Variants in ETFDH observed in about 807,000 individuals in gnomAD.
The protein encoded by ETFDH is electron transfer flavoprotein-ubiquinone oxidoreductase, mitochondrial.
ETFDH carries 61 observed loss-of-function variants against 73.2 expected under a neutral mutation model. The observed-to-expected ratio is 0.83, with a 90% CI of 0.68 to 1.03. The LOEUF (loss-of-function observed/expected upper bound fraction) is 1.03, where lower values mean the gene tolerates loss of function less well. Among genes scored for constraint, ETFDH ranks in the 50% least tolerant of loss-of-function variants. The pLI, the probability that ETFDH is intolerant of heterozygous loss-of-function variation, is 0.00. For missense variants in ETFDH, 685 were observed against 745.0 expected, an observed-to-expected ratio of 0.92 and a Z score of 0.94; for synonymous variants, 243 against 253.3, an observed-to-expected ratio of 0.96 and a Z score of 0.39.
Position 158,682,905 on chromosome 4 carries a change from T to C in ETFDH, c.405+481T>C, listed in dbSNP as rs114950223. ...AAATTTATATCAGAATTGTAATTTA[T>C]GATATTAACAAATATTTTTGTGTAA... is the stretch of plus-strand genomic sequence containing the variant. On this transcript the variant is annotated intron_variant, in intron 3 of 12. Transcript: ENST00000511912. Among the ~76,000 whole-genome samples the C allele has an allele frequency of 2.2e-3, 340 of 152,334 alleles. 2 individuals are homozygous for C. Among genetic ancestry groups the C allele is most frequent in the African/African-American group, 8.0e-3 (331 of 41,582 alleles).
intron 5 of ETFDH, among the ~76,000 whole-genome samples, chr4:158,689,592 CTTCATATATATATA>C: frequency 1.9e-5 from 1 of 51,740 alleles, no homozygotes; most frequent in African/African-American, 9.5e-5. Context: ...CAAATAAAAC[CTTCATATATATATA>C]TATATATATA....
At position 158,706,855 on chromosome 4, in the gene ETFDH, T is replaced by G; in HGVS notation, c.1690+5T>G. ...AGCAGCGATTCTGTCCTGCAGGTAA[T>G]AATTTCCATCTATTCCTAAATATTT... On this transcript the variant is annotated splice_donor_5th_base_variant and intron_variant, in intron 12 of 12. Coordinates refer to ENST00000511912, the MANE Select transcript of ETFDH (RefSeq NM_004453.4). 6.4e-7 allele frequency: 1 copy of G among 1,552,236 alleles called. No homozygotes were observed. The highest frequency in any genetic ancestry group is 8.9e-7 in the Non-Finnish European group (1 of 1,123,764).
chr4:158,693,208 C>T (rs1029939923), intron 6 of ETFDH, among the ~76,000 whole-genome samples: 2 of 152,182 alleles, frequency 1.3e-5, no homozygotes, highest in Admixed American at 6.5e-5. Flanking sequence ...GGACAGGTCT[C>T]TGTTTTCCCT....
rs1342129315 is a variant in ETFDH at position 158,706,502 on chromosome 4, A to G, written c.1469-127A>G. On this transcript the variant is annotated intron_variant, in intron 11 of 12. Transcript: ENST00000511912. ...TAAATTTAGTGTCTAAGAACAGTAT[A>G]TTATTACTTGAGGGCTAGTCATATT... is the stretch of plus-strand genomic sequence containing the variant. 4 of 1,090,200 alleles carry G rather than the reference A, an allele frequency of 3.7e-6. No homozygotes were observed. In the East Asian group the frequency reaches 7.1e-5, roughly 19 times the overall value. 67.5% of individuals were successfully genotyped at this position (1,090,200 alleles called of 1,614,324 possible). A position where few individuals can be genotyped will look rare whatever the true frequency, so the allele number is the denominator to read the frequency against.
intron 5 of ETFDH, among the ~76,000 whole-genome samples, chr4:158,688,693 C>T (rs762712882): frequency 1.3e-5 from 2 of 151,930 alleles, no homozygotes; most frequent in African/African-American, 2.4e-5. Flanking sequence ...AAAAAAAGAA[C>T]GAAACAGTTT....
chr4:158,688,798 C>A (rs1774081392), intron 5 of ETFDH, among the ~76,000 whole-genome samples: 1 of 152,228 alleles, frequency 6.6e-6, no homozygotes, highest in Admixed American at 6.5e-5. Flanking sequence ...ACAATCCATT[C>A]ATTACATACA....
intron 10 of ETFDH, 142 bp downstream of exon 10, chr4:158,703,733 A>C: frequency 1.6e-6 from 1 of 633,326 alleles, no homozygotes; most frequent in Non-Finnish European, 2.8e-6. Flanking sequence ...TACATGGCTT[A>C]TTCTCAATAA....
chr4:158,693,953 A>T (rs1333858815), intron 6 of ETFDH, among the ~76,000 whole-genome samples: 1 of 152,196 alleles, frequency 6.6e-6, no homozygotes, highest in African/African-American at 2.4e-5. Context: ...ATAAGTAAAG[A>T]TACTTAAATA....
intron 1 of ETFDH, among the ~76,000 whole-genome samples, chr4:158,673,875 A>T (rs1260755619): frequency 6.6e-6 from 1 of 152,200 alleles, no homozygotes; most frequent in Non-Finnish European, 1.5e-5. Flanking sequence ...TGACTTTGAT[A>T]TGGTGATGCT....
intron 5 of ETFDH, among the ~76,000 whole-genome samples, chr4:158,688,796 T>C (rs1774081310): frequency 6.6e-6 from 1 of 152,376 alleles, no homozygotes; most frequent in African/African-American, 2.4e-5. Context: ...ATACAATCCA[T>C]TCATTACATA....
At chr4:158,692,884 A>ATAT (rs1426342372) in intron 6 of ETFDH, among the ~76,000 whole-genome samples, 9 of 92,712 alleles carry the variant, frequency 9.7e-5, no homozygotes, top group African/African-American at 2.9e-4. Context: ...ATTAAAAAAA[A>ATAT]AAAAACATAT....
At chr4:158,682,465 A>G in intron 3 of ETFDH, 41 bp downstream of exon 3, 2 of 1,464,072 alleles carry the variant, frequency 1.4e-6, no homozygotes, top group Non-Finnish European at 1.9e-6. Flanking sequence ...AATCTTTTGT[A>G]ATTGTATTTC....
Position 158,696,319 on chromosome 4 carries a change from A to C in ETFDH, c.831+676A>C, listed in dbSNP as rs1349457557. Among the ~76,000 whole-genome samples the C allele has an allele frequency of 8.5e-5, 13 of 152,154 alleles. 1 individual carries two copies. The highest frequency in any genetic ancestry group is 8.5e-4 in the Admixed American group (13 of 15,264). On this transcript the variant is annotated intron_variant, in intron 7 of 12. Coordinates refer to ENST00000511912, the MANE Select transcript of ETFDH (RefSeq NM_004453.4). Reference sequence around the variant, plus strand: ...CCAGGAGTTCAAGACCTGCCTGGGCAATGTAGTGAGACCTCATCTCTACTG... The same window carrying C: ...CCAGGAGTTCAAGACCTGCCTGGGCCATGTAGTGAGACCTCATCTCTACTG...
Position 158,702,010 on chromosome 4 carries a change from A to G in ETFDH, c.1117-1413A>G, listed in dbSNP as rs1025210921. The stretch of plus-strand genomic sequence containing the variant: ...TTCAGCTTGTCCTTAATCAAAATCT[A>G]TTGTTTAGGGTAGTAGCTAGTTGCA... On this transcript the variant is annotated intron_variant, in intron 9 of 12. Coordinates refer to ENST00000511912, the MANE Select transcript of ETFDH (RefSeq NM_004453.4). Among the ~76,000 whole-genome samples, 6 of 152,222 alleles carry G rather than the reference A, an allele frequency of 3.9e-5. No homozygotes were observed. The East Asian group carries it at 9.6e-4, about 24-fold the overall frequency.
At chr4:158,693,100 A>G (rs2150310188) in intron 6 of ETFDH, among the ~76,000 whole-genome samples, 1 of 152,228 alleles carries the variant, frequency 6.6e-6, no homozygotes, top group South Asian at 2.1e-4. Context: ...GTGTTGTTCC[A>G]TTCTCTATTT....
rs993381468 is a variant in ETFDH at position 158,708,580 on chromosome 4, A to C, written c.*53A>C. 2.9e-6 allele frequency: 4 copies of C among 1,386,190 alleles called. No homozygotes were observed. In the African/African-American group the frequency reaches 4.3e-5, roughly 15 times the overall value. 85.9% of individuals were successfully genotyped at this position (1,386,190 alleles called of 1,614,324 possible). On this transcript the variant is annotated 3_prime_UTR_variant, in exon 13 of 13. Coordinates refer to ENST00000511912, the MANE Select transcript of ETFDH (RefSeq NM_004453.4). ...ATGGCAAGCTAACGTTAAAATGTTTAGAGATTAACAGATTTCAGAATGTCT... is the reference window on the plus strand; with the variant it reads ...ATGGCAAGCTAACGTTAAAATGTTTCGAGATTAACAGATTTCAGAATGTCT...
At position 158,708,808 on chromosome 4, in the gene ETFDH, C is replaced by A; in HGVS notation, c.*281C>A. ...ACTACTGGACTTTACATTTGACTTG[C>A]CAAAGTTAAGTAATCAAATATAAAA... On this transcript the variant is annotated 3_prime_UTR_variant, in exon 13 of 13. Transcript: ENST00000511912. 3 of 346,440 alleles carry A rather than the reference C, an allele frequency of 8.7e-6. No individual in the cohort carries two copies. Among genetic ancestry groups the A allele is most frequent in the Non-Finnish European group, 1.1e-5 (2 of 187,038 alleles). 21.5% of individuals were successfully genotyped at this position (346,440 alleles called of 1,614,324 possible).
At chr4:158,681,323 A>G (rs900953576) in intron 2 of ETFDH, among the ~76,000 whole-genome samples, 3 of 152,220 alleles carry the variant, frequency 2.0e-5, no homozygotes, top group African/African-American at 7.2e-5. Context: ...ACTTATAGAA[A>G]AATGATATAA....
chr4:158,690,517 A>C (rs1013127484), intron 6 of ETFDH, 92 bp downstream of exon 6: 67 of 845,554 alleles, frequency 7.9e-5, no homozygotes, highest in Non-Finnish European at 1.4e-4. Context: ...CTCTCCAAAA[A>C]AAGAAAACAA....
Sources: allele counts gnomAD v4.1 joint callset (sites outside exome capture counted in the v4.1 genomes callset), GRCh38; gene constraint gnomAD v4.1.1; transcripts MANE v1.5; gene names NCBI Gene and HGNC (gene_info 2026-07-23, HGNC 2026-07-21).